Variants in ERI3 observed in about 807,000 individuals in gnomAD.
ERI3 encodes ERI1 exoribonuclease family member 3.
Under a neutral mutation model 44.4 loss-of-function variants are expected in ERI3, and 18 were observed. The ratio of observed to expected loss-of-function variants is 0.41; its 90% CI spans 0.28 to 0.60. The LOEUF (loss-of-function observed/expected upper bound fraction) is 0.60. Among genes scored for constraint, ERI3 ranks in the 20% least tolerant of loss-of-function variants. ERI3 has a pLI of 0.36. For missense variants in ERI3, 294 were observed against 435.5 expected, an observed-to-expected ratio of 0.68 and a Z score of 2.89; for synonymous variants, 183 against 164.8, an observed-to-expected ratio of 1.11 and a Z score of -0.84.
At chr1:44,347,388 T>C (rs1646806080) in intron 2 of ERI3, among the ~76,000 whole-genome samples, 2 of 152,206 alleles carry the variant, frequency 1.3e-5, no homozygotes, top group Non-Finnish European at 2.9e-5. Context: ...AGCAAATCTT[T>C]CCATCTTACA....
chr1:44,310,837 T>G (rs2154327942), intron 5 of ERI3, among the ~76,000 whole-genome samples: 1 of 152,096 alleles, frequency 6.6e-6, no homozygotes, highest in Middle Eastern at 3.4e-3. Flanking sequence ...CTTTACAGTC[T>G]GTACACCAGA....
intron 2 of ERI3, among the ~76,000 whole-genome samples, chr1:44,352,147 G>T (rs1193116992): frequency 6.6e-6 from 1 of 152,170 alleles, no homozygotes; most frequent in Admixed American, 6.5e-5. Flanking sequence ...CGAGTCCCTG[G>T]ATATCAATCA....
rs1354483458 is a variant in ERI3, at chr1:44,222,000, G to A, written c.932-360C>T. On this transcript the variant is annotated intron_variant, in intron 8 of 8. Transcript: ENST00000372257. The surrounding 1 kb of genome is among the most constrained non-coding windows in gnomAD (Gnocchi z 5.9). ...CGGCCGCTGGGCGATCCTTCTTGTT[G>A]CTGCCGCGTGGGGACGGCCCGTCCG... Among the ~76,000 whole-genome samples the A allele has an allele frequency of 6.6e-6, 1 of 152,244 alleles. No homozygotes were observed. The highest frequency in any genetic ancestry group is 1.5e-5 in the Non-Finnish European group (1 of 68,046).
At chr1:44,254,172 C>T (rs566846646) in intron 7 of ERI3, among the ~76,000 whole-genome samples, 9 of 152,256 alleles carry the variant, frequency 5.9e-5, no homozygotes, top group Non-Finnish European at 1.2e-4. Flanking sequence ...CAAGATAACC[C>T]AGCCATGGAC....
intron 6 of ERI3, among the ~76,000 whole-genome samples, chr1:44,305,093 C>T (rs372519833): frequency 2.0e-5 from 3 of 152,300 alleles, no homozygotes; most frequent in African/African-American, 7.2e-5. Flanking sequence ...GGGCTAGGGC[C>T]TCCCTCAGGT....
intron 6 of ERI3, among the ~76,000 whole-genome samples, chr1:44,304,844 A>G (rs946272281): frequency 6.6e-6 from 1 of 152,170 alleles, no homozygotes; most frequent in African/African-American, 2.4e-5. Context: ...GCCAGAATGT[A>G]GTATGCACAC....
intron 3 of ERI3, among the ~76,000 whole-genome samples, chr1:44,331,003 C>T (rs556360369): frequency 5.3e-4 from 80 of 152,212 alleles, no homozygotes; most frequent in African/African-American, 1.8e-3. Flanking sequence ...ATGGACTTAA[C>T]CTAAACACTC....
rs191540713 is a variant in ERI3, at chr1:44,307,608, C to A, written c.758+702G>T. On this transcript the variant is annotated intron_variant, in intron 6 of 8. Transcript: ENST00000372257. ...GCAGACAAGATGCACAAGTGTCAAC[C>A]CAGCAAAGGAACCGGTTCTGTCTTC... is the stretch of plus-strand genomic sequence containing the variant. Among the ~76,000 whole-genome samples the A allele has an allele frequency of 1.8e-4, 27 of 152,298 alleles. No individual in the cohort carries two copies. In the East Asian group the frequency reaches 4.6e-3, roughly 26 times the overall value.
chr1:44,354,840 C>G, intron 1 of ERI3, 52 bp downstream of exon 1: 3 of 1,313,168 alleles, frequency 2.3e-6, no homozygotes, highest in Non-Finnish European at 9.8e-7. Context: ...ACCCTCACCC[C>G]GCATGCATTA....
intron 3 of ERI3, among the ~76,000 whole-genome samples, chr1:44,330,978 G>A (rs1646415721): frequency 6.6e-6 from 1 of 152,128 alleles, no homozygotes. Context: ...ATGGAGGTAG[G>A]GAGAAGTGAA....
intron 7 of ERI3, among the ~76,000 whole-genome samples, chr1:44,257,934 C>CT (rs1644812856): frequency 6.6e-6 from 1 of 152,188 alleles, no homozygotes; most frequent in Admixed American, 6.5e-5. Context: ...CCAAAACAGT[C>CT]TAAGTTCTTA....
intron 8 of ERI3, chr1:44,244,131 G>A (rs911483472): frequency 6.6e-6 from 1 of 152,626 alleles, no homozygotes; most frequent in Non-Finnish European, 1.5e-5. Context: ...CCACTCAGCA[G>A]TCCCCTGTGG....
chr1:44,270,983 T>C (rs1645077367), intron 7 of ERI3, among the ~76,000 whole-genome samples: 1 of 152,198 alleles, frequency 6.6e-6, no homozygotes, highest in Non-Finnish European at 1.5e-5. Context: ...ACCATAAGGA[T>C]ATAGAGGTCT....
chr1:44,248,399 A>G (rs1644599227), intron 7 of ERI3, among the ~76,000 whole-genome samples: 1 of 152,046 alleles, frequency 6.6e-6, no homozygotes, highest in African/African-American at 2.4e-5. Context: ...CCCTTTCCGG[A>G]GCCCCCAGCA....
At chr1:44,339,394 T>A (rs1341732893) in intron 2 of ERI3, 72 bp from the exon 3 acceptor site, 2 of 1,422,474 alleles carry the variant, frequency 1.4e-6, no homozygotes, top group African/African-American at 3.0e-5. Context: ...ACAGAGAGCC[T>A]GGGTTACTCC....
At chr1:44,301,480 G>A (rs553979194) in intron 6 of ERI3, among the ~76,000 whole-genome samples, 1 of 152,320 alleles carries the variant, frequency 6.6e-6, no homozygotes, top group East Asian at 1.9e-4. Context: ...TTACCTCAGA[G>A]AAGGAGGCCA....
At chr1:44,301,934 T>C (rs1007446477) in intron 6 of ERI3, among the ~76,000 whole-genome samples, 1 of 152,222 alleles carries the variant, frequency 6.6e-6, no homozygotes, top group Admixed American at 6.5e-5. Flanking sequence ...CTCATGCAAA[T>C]ATCACTAAAT....
chr1:44,284,807 GCACCCAGTTGGGGCT>G lies in ERI3; in HGVS notation c.831+13_831+27del. The G allele has an allele frequency of 6.3e-7, 1 of 1,590,646 alleles. No individual in the cohort carries two copies. Among genetic ancestry groups the G allele is most frequent in the Non-Finnish European group, 8.6e-7 (1 of 1,158,764 alleles). ...CTGAGGCACAAGAGCACCAGGGGAA[GCACCCAGTTGGGGCT>G]CAGACACAGTACCTTTTTCAGATTA... On this transcript the variant is annotated intron_variant, in intron 7 of 8. Coordinates refer to ENST00000372257, the MANE Select transcript of ERI3 (RefSeq NM_024066.3).
In ERI3 at chr1:44,355,242, C is replaced by CA; in HGVS notation, c.-217dup. ...ACAGCGGCAGCCAGCACCACGAGTC[C>CA]ACAACACACCGACTCACCTCCGCGC... is the stretch of plus-strand genomic sequence containing the variant. On this transcript the variant is annotated 5_prime_UTR_variant, in exon 1 of 9. Transcript: ENST00000372257. 1 of 1,176,456 alleles carries CA rather than the reference C, an allele frequency of 8.5e-7. No individual in the cohort carries two copies. Among genetic ancestry groups the CA allele is most frequent in the Non-Finnish European group, 1.0e-6 (1 of 952,590 alleles). 72.9% of individuals were successfully genotyped at this position (1,176,456 alleles called of 1,614,324 possible). A position where few individuals can be genotyped will look rare whatever the true frequency, so the allele number is the denominator to read the frequency against.
Sources: allele counts gnomAD v4.1 joint callset (sites outside exome capture counted in the v4.1 genomes callset), GRCh38; gene constraint gnomAD v4.1.1; non-coding constraint Gnocchi (gnomAD v3.1); transcripts MANE v1.5; gene names NCBI Gene and HGNC (gene_info 2026-07-23, HGNC 2026-07-21).